Variants in HDAC8 observed in about 807,000 individuals in gnomAD.
HDAC8 encodes histone deacetylase-like 1.
A neutral mutation model predicts 32.2 loss-of-function variants in HDAC8; 1 was observed. That is an observed-to-expected ratio of 0.03 (90% CI 0.01 to 0.15). The LOEUF (loss-of-function observed/expected upper bound fraction) is 0.15, where lower values mean the gene tolerates loss of function less well. Ranked by LOEUF, HDAC8 falls within the 10% of genes least tolerant of loss-of-function variation. The pLI, the probability that HDAC8 is intolerant of heterozygous loss-of-function variation, is 1.00. For missense variants in HDAC8, 117 were observed against 300.0 expected, an observed-to-expected ratio of 0.39 and a Z score of 4.51; for synonymous variants, 108 against 113.9, an observed-to-expected ratio of 0.95 and a Z score of 0.33.
chrX:72,562,698 A>C (rs1297030345), intron 4 of HDAC8, among the ~76,000 whole-genome samples: 5 of 110,420 alleles, frequency 4.5e-5, no homozygotes, highest in Non-Finnish European at 9.5e-5. Context: ...ATATATATAA[A>C]GTTGTAAAAA....
At chrX:72,437,707 G>A (rs1236210124) in intron 9 of HDAC8, among the ~76,000 whole-genome samples, 1 of 112,093 alleles carries the variant, frequency 8.9e-6, no homozygotes, top group Non-Finnish European at 1.9e-5. Flanking sequence ...TCCACTCACA[G>A]TGTAAACGAA....
At chrX:72,490,498 C>T (rs781853252) in intron 6 of HDAC8, among the ~76,000 whole-genome samples, 13 of 105,230 alleles carry the variant, frequency 1.2e-4, no homozygotes, top group South Asian at 9.1e-4. Context: ...TAAACTATCG[C>T]GAGAACAGAA....
intron 9 of HDAC8, among the ~76,000 whole-genome samples, chrX:72,434,232 T>C (rs2046893171): frequency 9.0e-6 from 1 of 111,718 alleles, no homozygotes; most frequent in African/African-American, 3.3e-5. Flanking sequence ...ACTTTTCTCA[T>C]TGGTAAATGG....
intron 7 of HDAC8, chrX:72,473,631 C>A (rs1367719187): frequency 1.4e-6 from 1 of 731,429 alleles, no homozygotes; most frequent in Non-Finnish European, 1.6e-6. Context: ...CATCCAGGCA[C>A]CAGAGTTTTT....
rs1196246220 is a variant in HDAC8, at chrX:72,555,452, T to C, written c.437+12437A>G. Among the ~76,000 whole-genome samples, 8 of 111,701 alleles carry C rather than the reference T, an allele frequency of 7.2e-5. No individual in the cohort carries two copies. The East Asian group carries it at 2.0e-3, about 27-fold the overall frequency. On this transcript the variant is annotated intron_variant, in intron 4 of 10. Coordinates refer to ENST00000373573, the MANE Select transcript of HDAC8 (RefSeq NM_018486.3). ...TTCAGAAGGTCGATTATTAAGCTAA[T>C]CAAGGAGCCACCAGAGAAAGGTGAA...
chrX:72,437,138 C>G (rs911552908), intron 9 of HDAC8, among the ~76,000 whole-genome samples: 9 of 111,270 alleles, frequency 8.1e-5, no homozygotes, highest in Admixed American at 7.6e-4. Flanking sequence ...ACTGAGGTAC[C>G]TGGCTCATCT....
At chrX:72,418,921 C>T (rs1555972668) in intron 9 of HDAC8, among the ~76,000 whole-genome samples, 1 of 110,878 alleles carries the variant, frequency 9.0e-6, no homozygotes, top group East Asian at 2.8e-4. Flanking sequence ...GACTTGATAC[C>T]CTTGTCAAAA....
At chrX:72,536,596 A>G (rs1185077787) in intron 4 of HDAC8, among the ~76,000 whole-genome samples, 1 of 112,161 alleles carries the variant, frequency 8.9e-6, no homozygotes, top group Admixed American at 9.5e-5. Flanking sequence ...CACAAAATAC[A>G]TGCACCTAAT....
intron 9 of HDAC8, among the ~76,000 whole-genome samples, chrX:72,388,650 A>C (rs1158961298): frequency 9.2e-6 from 1 of 108,818 alleles, no homozygotes; most frequent in Non-Finnish European, 1.9e-5. Flanking sequence ...CTATGGAATG[A>C]ATTGTGTGTC....
At chrX:72,430,339 TCA>T (rs1364332568) in intron 9 of HDAC8, among the ~76,000 whole-genome samples, 1 of 112,343 alleles carries the variant, frequency 8.9e-6, no homozygotes, top group African/African-American at 3.2e-5. Context: ...TAACAAACCA[TCA>T]CAAGTCATTT....
chrX:72,525,676 T>C (rs1556031700), intron 4 of HDAC8, among the ~76,000 whole-genome samples: 1 of 106,158 alleles, frequency 9.4e-6, no homozygotes, highest in Non-Finnish European at 1.9e-5. Context: ...TAGCCGGGCG[T>C]TGTGGCGGGC....
intron 4 of HDAC8, among the ~76,000 whole-genome samples, chrX:72,549,687 G>A (rs1270348496): frequency 2.7e-5 from 3 of 111,583 alleles, no homozygotes; most frequent in African/African-American, 9.8e-5. Flanking sequence ...AGGCTTCTTA[G>A]TTAATGGCAA....
chrX:72,408,987 T>C (rs1237402228), intron 9 of HDAC8, among the ~76,000 whole-genome samples: 1 of 111,959 alleles, frequency 8.9e-6, no homozygotes, highest in Non-Finnish European at 1.9e-5. Context: ...TATTAGAGAA[T>C]GGATGAATTT....
intron 9 of HDAC8, among the ~76,000 whole-genome samples, chrX:72,354,778 G>A (rs1394375298): frequency 8.9e-6 from 1 of 112,115 alleles, no homozygotes; most frequent in Non-Finnish European, 1.9e-5. Flanking sequence ...CCTGTCATCA[G>A]GTAAGCTTTT....
chrX:72,565,684 G>A (rs1175678122), intron 4 of HDAC8, among the ~76,000 whole-genome samples: 4 of 111,862 alleles, frequency 3.6e-5, no homozygotes, highest in South Asian at 3.8e-4. Context: ...ATTCATAGAA[G>A]CAAGCCTTTT....
chrX:72,488,350 C>T (rs782510360), intron 7 of HDAC8, among the ~76,000 whole-genome samples: 1 of 110,895 alleles, frequency 9.0e-6, no homozygotes, highest in Non-Finnish European at 1.9e-5. Context: ...CACAACCCCC[C>T]ACCCCCATTC....
intron 10 of HDAC8, among the ~76,000 whole-genome samples, chrX:72,336,943 T>C (rs1339899236): frequency 9.1e-6 from 1 of 110,464 alleles, no homozygotes; most frequent in African/African-American, 3.3e-5. Context: ...GGAGACAGGG[T>C]TTCACCATGT....
At chrX:72,461,172 G>C (rs189176153) in intron 9 of HDAC8, among the ~76,000 whole-genome samples, 1 of 112,126 alleles carries the variant, frequency 8.9e-6, no homozygotes, top group African/African-American at 3.2e-5. Flanking sequence ...TTGGGAAATA[G>C]CTTGAGAAGG....
intron 7 of HDAC8, among the ~76,000 whole-genome samples, chrX:72,477,914 G>T (rs1021438224): frequency 8.9e-6 from 1 of 112,036 alleles, no homozygotes; most frequent in East Asian, 2.8e-4. Flanking sequence ...GGCAATGGCT[G>T]CCAGATCTTC....
Sources: gnomAD v4.1 joint callset for allele counts (sites outside exome capture counted in the v4.1 genomes callset) on GRCh38, gnomAD v4.1.1 for gene constraint, MANE v1.5 for transcripts, NCBI Gene and HGNC (gene_info 2026-07-23, HGNC 2026-07-21) for gene names.